AADACL2: variants seen among roughly 807,000 people sequenced by gnomAD.
AADACL2 encodes the protein arylacetamide deacetylase-like 2.
In AADACL2, 23 loss-of-function variants were observed where a neutral mutation model predicts 22.3. The ratio of observed to expected loss-of-function variants is 1.03; its 90% CI spans 0.74 to 1.46. AADACL2 has a LOEUF of 1.46. Among genes scored for constraint, AADACL2 ranks in the 40% most tolerant of loss-of-function variants. The pLI, the probability that AADACL2 is intolerant of heterozygous loss-of-function variation, is 0.00. For missense variants in AADACL2, 472 were observed against 482.9 expected (o/e 0.98, Z 0.21); for synonymous variants, 177 against 166.2 (o/e 1.07, Z -0.50).
rs566083691 is a variant in AADACL2 at position 151,758,790 on chromosome 3, A to G, written c.*1196A>G. The G allele has an allele frequency of 6.6e-6, 1 of 152,114 alleles. No individual in the cohort carries two copies. Among genetic ancestry groups the G allele is most frequent in the Non-Finnish European group, 1.5e-5 (1 of 67,976 alleles). 9.4% of individuals were successfully genotyped at this position (152,114 alleles called of 1,614,324 possible). A position where few individuals can be genotyped will look rare whatever the true frequency, so the allele number is the denominator to read the frequency against. On this transcript the variant is annotated 3_prime_UTR_variant, in exon 5 of 5. Transcript: ENST00000356517. ...TATTAAGCATAGTCAGTTGAATCCA[A>G]CTAAGAAGTTAAAAATGTAGTAAGA...
chr3:151,744,303 T>C, intron 3 of AADACL2, 141 bp downstream of exon 3: 1 of 704,666 alleles, frequency 1.4e-6, no homozygotes. Context: ...CATAGACTGC[T>C]CCTCAAAGAG....
chr3:151,736,452 G>C (rs888819194), intron 1 of AADACL2, among the ~76,000 whole-genome samples: 3 of 151,930 alleles, frequency 2.0e-5, no homozygotes, highest in Non-Finnish European at 4.4e-5. Flanking sequence ...TTAAGTATTT[G>C]TCCTAAGGCT....
At chr3:151,753,098 A>T (rs1713732736) in intron 4 of AADACL2, among the ~76,000 whole-genome samples, 1 of 152,190 alleles carries the variant, frequency 6.6e-6, no homozygotes, top group African/African-American at 2.4e-5. Context: ...ATTCTTGGAC[A>T]TGGGATGATG....
At chr3:151,756,713 C>T (rs141688877) in intron 4 of AADACL2, among the ~76,000 whole-genome samples, 578 of 142,666 alleles carry the variant, frequency 4.1e-3, no homozygotes, top group African/African-American at 0.012. Context: ...GTATCTCTCT[C>T]GCCTTGTACA....
At chr3:151,751,772 A>G (rs75797297) in intron 4 of AADACL2, among the ~76,000 whole-genome samples, 1 of 152,164 alleles carries the variant, frequency 6.6e-6, no homozygotes, top group Admixed American at 6.5e-5. Flanking sequence ...ACCCTACCTT[A>G]TAACTTTTCA....
intron 1 of AADACL2, among the ~76,000 whole-genome samples, chr3:151,735,057 G>C (rs148698844): frequency 3.3e-5 from 5 of 152,324 alleles, no homozygotes; most frequent in African/African-American, 1.2e-4. Context: ...ACAGCAAACA[G>C]TATATTTGCT....
rs981713601 is a variant in AADACL2, at chr3:151,761,203, T to C, written c.*3609T>C. 91 of 55,214 alleles carry C rather than the reference T, an allele frequency of 1.6e-3. No individual in the cohort carries two copies. Among genetic ancestry groups the C allele is most frequent in the Non-Finnish European group, 2.8e-3 (79 of 28,012 alleles). 3.4% of individuals were successfully genotyped at this position (55,214 alleles called of 1,614,324 possible). A position where few individuals can be genotyped will look rare whatever the true frequency, so the allele number is the denominator to read the frequency against. ...TATATGGTGAGATATATACATATTG[T>C]GATATATATATATATATATATATAT... On this transcript the variant is annotated 3_prime_UTR_variant, in exon 5 of 5. Coordinates refer to ENST00000356517, the MANE Select transcript of AADACL2 (RefSeq NM_207365.4).
chr3:151,743,150 T>C (rs1273310581), intron 2 of AADACL2, among the ~76,000 whole-genome samples: 1 of 152,146 alleles, frequency 6.6e-6, no homozygotes, highest in Admixed American at 6.5e-5. Context: ...TAACTTAATC[T>C]TTAATAAAAC....
At chr3:151,744,824 A>G (rs925325410) in intron 3 of AADACL2, among the ~76,000 whole-genome samples, 15 of 152,176 alleles carry the variant, frequency 9.9e-5, no homozygotes, top group African/African-American at 3.6e-4. Context: ...TCTGAAGATC[A>G]AAAAGAAAAA....
rs1027535329 is a variant in AADACL2 at position 151,758,754 on chromosome 3, T to C, written c.*1160T>C. 1.3e-5 allele frequency: 2 copies of C among 152,230 alleles called. No homozygotes were observed. The highest frequency in any genetic ancestry group is 4.8e-5 in the African/African-American group (2 of 41,566). 9.4% of individuals were successfully genotyped at this position (152,230 alleles called of 1,614,324 possible). ...AAAACAGATCCATGGTACAATGTTA[T>C]AAATTTTGAGTATTAAGCATAGTCA... On this transcript the variant is annotated 3_prime_UTR_variant, in exon 5 of 5. Transcript: ENST00000356517.
chr3:151,757,678 T>C lies in AADACL2; in HGVS notation c.*84T>C, dbSNP rs1713987015. ...GTTTTGGAGCAAAGAACAATGTCAT[T>C]TGAGTTATCTAAATCTACATTTGCA... On this transcript the variant is annotated 3_prime_UTR_variant, in exon 5 of 5. Coordinates refer to ENST00000356517, the MANE Select transcript of AADACL2 (RefSeq NM_207365.4). 1.4e-6 allele frequency: 2 copies of C among 1,448,480 alleles called. No individual in the cohort carries two copies. Among genetic ancestry groups the C allele is most frequent in the Non-Finnish European group, 9.3e-7 (1 of 1,079,168 alleles). 89.7% of individuals were successfully genotyped at this position (1,448,480 alleles called of 1,614,324 possible).
In AADACL2 at chr3:151,758,004, C is replaced by A. The variant is rs1009916052; in HGVS notation, c.*410C>A. The A allele has an allele frequency of 1.1e-4, 17 of 158,180 alleles. No individual in the cohort carries two copies. Among genetic ancestry groups the A allele is most frequent in the Non-Finnish European group, 1.4e-4 (10 of 72,058 alleles). The allele number at this position is 158,180 out of a possible 1,614,324, so 9.8% of individuals were successfully genotyped here. A position where few individuals can be genotyped will look rare whatever the true frequency, so the allele number is the denominator to read the frequency against. ...ATGGAAACCACTGGACTAAATAAAC[C>A]CTAAGGACCCTATATTAGTTTCCTG... On this transcript the variant is annotated 3_prime_UTR_variant, in exon 5 of 5. Coordinates refer to ENST00000356517, the MANE Select transcript of AADACL2 (RefSeq NM_207365.4).
chr3:151,752,219 T>C (rs937318632), intron 4 of AADACL2, among the ~76,000 whole-genome samples: 2 of 152,204 alleles, frequency 1.3e-5, no homozygotes, highest in Non-Finnish European at 2.9e-5. Flanking sequence ...CATGATCCTG[T>C]GATTGATAAT....
intron 4 of AADACL2, among the ~76,000 whole-genome samples, chr3:151,747,966 T>C (rs1426795545): frequency 6.6e-6 from 1 of 152,190 alleles, no homozygotes; most frequent in Non-Finnish European, 1.5e-5. Flanking sequence ...AATTGGGTTA[T>C]TTGTTTTCTT....
chr3:151,740,622 A>G, intron 1 of AADACL2, 24 bp from the exon 2 acceptor site: 1 of 1,465,234 alleles, frequency 6.8e-7, no homozygotes, highest in Non-Finnish European at 9.3e-7. Flanking sequence ...TAAATATTTA[A>G]TTTTGTTTGT....
chr3:151,748,145 T>C (rs181559162), intron 4 of AADACL2, among the ~76,000 whole-genome samples: 3 of 152,320 alleles, frequency 2.0e-5, no homozygotes, highest in Admixed American at 1.3e-4. Context: ...ATTTTTGCTT[T>C]TGTTGCCTGT....
intron 3 of AADACL2, 68 bp downstream of exon 3, chr3:151,744,230 C>G: frequency 7.0e-7 from 1 of 1,431,948 alleles, no homozygotes; most frequent in Non-Finnish European, 9.7e-7. Flanking sequence ...ATTTCCACAT[C>G]AAGTCAGCTA....
chr3:151,750,424 C>A (rs984860625), intron 4 of AADACL2, among the ~76,000 whole-genome samples: 2 of 152,142 alleles, frequency 1.3e-5, no homozygotes, highest in Admixed American at 1.3e-4. Flanking sequence ...TCACTTCCTC[C>A]ACCTACGCAT....
chr3:151,760,657 T>G lies in AADACL2; in HGVS notation c.*3063T>G, dbSNP rs887790386. On this transcript the variant is annotated 3_prime_UTR_variant, in exon 5 of 5. Transcript: ENST00000356517. The stretch of plus-strand genomic sequence containing the variant: ...AACAGCGCCACATCCTAAAGGAAAT[T>G]TCTAGGTTTTTCTGCTGAAATATCC... 2.6e-5 allele frequency: 4 copies of G among 152,242 alleles called. No homozygotes were observed. The highest frequency in any genetic ancestry group is 9.7e-5 in the African/African-American group (4 of 41,434). 9.4% of individuals were successfully genotyped at this position (152,242 alleles called of 1,614,324 possible).
Sources: gnomAD v4.1 joint callset for allele counts (sites outside exome capture counted in the v4.1 genomes callset) on GRCh38, gnomAD v4.1.1 for gene constraint, MANE v1.5 for transcripts, NCBI Gene and HGNC (gene_info 2026-07-23, HGNC 2026-07-21) for gene names.